The following ANKRD53 variants were observed in gnomAD, a reference collection of about 807,000 sequenced individuals.
ANKRD53 encodes ankyrin repeat domain-containing protein 53.
In ANKRD53, 27 loss-of-function variants were observed where a neutral mutation model predicts 30.1. That is an observed-to-expected ratio of 0.90 (90% confidence interval 0.66 to 1.24). The LOEUF is 1.24. ANKRD53 is among the 50% of genes most tolerant of loss of function. The probability of loss-of-function intolerance (pLI) is 0.00; values close to 1 mark genes in which losing one functional copy is unlikely to be tolerated. For missense variants in ANKRD53, 682 were observed against 721.0 expected (o/e 0.95, Z 0.62); for synonymous variants, 286 against 295.4 (o/e 0.97, Z 0.33).
intron 3 of ANKRD53, 68 bp downstream of exon 3, chr2:70,979,928 G>C (rs1369383432): frequency 6.2e-5 from 98 of 1,580,194 alleles, no homozygotes; most frequent in Non-Finnish European, 8.0e-5. Context: ...CTTCCAGGCA[G>C]GCAAATCCAT....
In ANKRD53 at chr2:70,982,126, C is replaced by T. The variant is rs781964929; in HGVS notation, c.782+26C>T. ...GTGAGAGTGTGAGAACCACCTGGAG[C>T]CTGCCCACCCCCTTCCCCTCCCCCA... On this transcript the variant is annotated intron_variant, in intron 4 of 5. Transcript: ENST00000360589. This position sits in a 1 kb window ranked among gnomAD's most constrained non-coding sequence, Gnocchi z 4.2. 1.9e-6 allele frequency: 3 copies of T among 1,572,280 alleles called. No individual in the cohort carries two copies. Among genetic ancestry groups the T allele is most frequent in the East Asian group, 4.5e-5 (2 of 44,084 alleles).
rs1669899879 is a variant in ANKRD53, at chr2:70,978,703, A to T, written c.58A>T (p.Arg20Trp). 1 of 1,546,640 alleles carries T rather than the reference A, an allele frequency of 6.5e-7. No individual in the cohort carries two copies. The highest frequency in any genetic ancestry group is 2.5e-5 in the East Asian group (1 of 40,742). Residue 20 changes from arginine to tryptophan, a missense_variant, in exon 1 of 6, where the codon AGG (arginine) becomes TGG (tryptophan). Transcript: ENST00000360589. The surrounding 1 kb of genome is among the most constrained non-coding windows in gnomAD (Gnocchi z 4.3). Reference protein sequence around the residue: ...RAGSGSWHSERGEGRGARPQP... With the variant: ...RAGSGSWHSEWGEGRGARPQP... ...GGGCTCCGGAAGCTGGCACTCAGAA[A>T]GGGGAGAAGGGAGAGGTGCTCGGCC... is the stretch of plus-strand genomic sequence containing the variant.
rs1553423180 is a variant in ANKRD53, at chr2:70,979,695, G to T, written c.452G>T (p.Gly151Val). ...FTAIHFAAQW[G>V]KLACLQVLVE... is the part of the protein sequence containing the mutation. ...GCCATCCACTTCGCCGCCCAATGGG[G>T]CAAGCTTGCATGCCTGCAGGTCCTG... Residue 151 changes from glycine to valine, a missense_variant, in exon 3 of 6, where the codon GGC becomes GTC. Transcript: ENST00000360589. 6.2e-7 allele frequency: 1 copy of T among 1,614,072 alleles called. No individual in the cohort carries two copies. Among genetic ancestry groups the T allele is most frequent in the Admixed American group, 1.7e-5 (1 of 60,022 alleles).
At chr2:70,984,226 G>C in intron 5 of ANKRD53, 2 of 1,614,144 alleles carry the variant, frequency 1.2e-6, no homozygotes, top group Non-Finnish European at 1.7e-6. Flanking sequence ...GGATTCCTTT[G>C]GAGAAGAAGG....
rs1468810952 is a variant in ANKRD53 at position 70,982,863 on chromosome 2, T to C, written c.903+166T>C. On this transcript the variant is annotated intron_variant, in intron 5 of 5. Transcript: ENST00000360589. The surrounding 1 kb of genome is among the most constrained non-coding windows in gnomAD (Gnocchi z 4.2). The stretch of plus-strand genomic sequence containing the variant: ...GGGTACTCTGACTGAAATTCCGCTC[T>C]TTTAAATAAGCCAGTCTTTTGGTCA... Among the ~76,000 whole-genome samples, 1 of 152,212 alleles carries C rather than the reference T, an allele frequency of 6.6e-6. No homozygotes were observed. Among genetic ancestry groups the C allele is most frequent in the African/African-American group, 2.4e-5 (1 of 41,458 alleles).
chr2:70,984,889 ACCC>A lies in ANKRD53; in HGVS notation c.1186_1188del (p.Pro396del), dbSNP rs781977756. The A allele has an allele frequency of 6.5e-7, 1 of 1,550,088 alleles. No homozygotes were observed. The highest frequency in any genetic ancestry group is 2.4e-5 in the East Asian group (1 of 40,844). ...GGAATGTTAGCAACAACCCCGCCAG[ACCC>A]CCCACCACCCAGATCAGCCACTCGC... is the stretch of plus-strand genomic sequence containing the variant. On this transcript the variant is annotated inframe_deletion, in exon 6 of 6. Coordinates refer to ENST00000360589, the MANE Select transcript of ANKRD53 (RefSeq NM_001115116.2).
At chr2:70,980,194 A>G (rs1553423333) in intron 3 of ANKRD53, among the ~76,000 whole-genome samples, 1 of 152,158 alleles carries the variant, frequency 6.6e-6, no homozygotes, top group Non-Finnish European at 1.5e-5. Context: ...GCATGCCTGT[A>G]ATCCCAGCTA....
In ANKRD53 at chr2:70,978,712, G is replaced by A; in HGVS notation, c.67G>A (p.Gly23Arg). The A allele has an allele frequency of 3.2e-6, 5 of 1,549,972 alleles. No individual in the cohort carries two copies. The highest frequency in any genetic ancestry group is 4.4e-6 in the Non-Finnish European group (5 of 1,147,022). ...SGSWHSERGE[G>R]RGARPQPTPS... ...AAGCTGGCACTCAGAAAGGGGAGAA[G>A]GGAGAGGTGCTCGGCCGCAGCCAAC... The change falls in exon 1 of 6, where the codon GGG becomes AGG. Residue 23 changes from glycine to arginine, a missense_variant. By Grantham distance (125) the Gly-to-Arg change is moderately radical (BLOSUM62 -2). Transcript: ENST00000360589. The surrounding 1 kb of genome is among the most constrained non-coding windows in gnomAD (Gnocchi z 4.3).
chr2:70,984,798 T>C lies in ANKRD53; in HGVS notation c.1091T>C (p.Ile364Thr), dbSNP rs543775832. 31 of 1,556,072 alleles carry C rather than the reference T, an allele frequency of 2.0e-5. No individual in the cohort carries two copies. The South Asian group carries it at 2.9e-4, about 15-fold the overall frequency. Residue 364 changes from isoleucine to threonine, a missense_variant, in exon 6 of 6, where the codon ATT becomes ACT. Physicochemically the swap from Ile to Thr is moderately conservative, Grantham distance 89 (BLOSUM62 -1). Transcript: ENST00000360589. Reference protein sequence around the residue: ...HPSVDARLQCIPQPTEMPKPI... With the variant: ...HPSVDARLQCTPQPTEMPKPI... Reference sequence around the variant, plus strand: ...TCTGTGGATGCACGCCTGCAATGCATTCCACAGCCCACGGAGATGCCCAAG... The same window carrying C: ...TCTGTGGATGCACGCCTGCAATGCACTCCACAGCCCACGGAGATGCCCAAG...
At position 70,979,986 on chromosome 2, in the gene ANKRD53, C is replaced by A. The variant is rs113707068; in HGVS notation, c.617+126C>A. On this transcript the variant is annotated intron_variant, in intron 3 of 5. Transcript: ENST00000360589. Reference sequence around the variant, plus strand: ...TGGAGGTGACAAGGATTGGGTCCCACATAAAGCAGTCAGGAATCCACATGG... The same window carrying A: ...TGGAGGTGACAAGGATTGGGTCCCAAATAAAGCAGTCAGGAATCCACATGG... 8,197 of 1,114,900 alleles carry A rather than the reference C, an allele frequency of 7.4e-3. 189 individuals carry two copies. Among genetic ancestry groups the A allele is most frequent in the African/African-American group, 0.054 (3,494 of 64,388 alleles). 69.1% of individuals were successfully genotyped at this position (1,114,900 alleles called of 1,614,324 possible).
At position 70,982,419 on chromosome 2, in the gene ANKRD53, C is replaced by A. The variant is rs564407782; in HGVS notation, c.783-158C>A. 212 of 1,043,614 alleles carry A rather than the reference C, an allele frequency of 2.0e-4. No homozygotes were observed. In the African/African-American group the frequency reaches 3.2e-3, roughly 16 times the overall value. 64.6% of individuals were successfully genotyped at this position (1,043,614 alleles called of 1,614,324 possible). A position where few individuals can be genotyped will look rare whatever the true frequency, so the allele number is the denominator to read the frequency against. ...TCTTTCACCTAAAGGAAGTAGGGAG[C>A]CAGAGGGCCCCGGGCAATGGGGATG... On this transcript the variant is annotated intron_variant, in intron 4 of 5. Transcript: ENST00000360589. The surrounding 1 kb of genome is among the most constrained non-coding windows in gnomAD (Gnocchi z 4.2).
intron 3 of ANKRD53, among the ~76,000 whole-genome samples, chr2:70,980,617 G>C (rs1039363184): frequency 1.3e-5 from 2 of 152,046 alleles, no homozygotes; most frequent in East Asian, 1.9e-4. Flanking sequence ...ACTCCAGCCT[G>C]GCAATAGAGC....
rs1178473764 is a variant in ANKRD53 at position 70,982,488 on chromosome 2, T to C, written c.783-89T>C. ...CCTCTGGCCACTCCCCTCATCCCCA[T>C]CCAAGCCCTCAGCAGCAGCCAGTCT... On this transcript the variant is annotated intron_variant, in intron 4 of 5. Coordinates refer to ENST00000360589, the MANE Select transcript of ANKRD53 (RefSeq NM_001115116.2). This position sits in a 1 kb window ranked among gnomAD's most constrained non-coding sequence, Gnocchi z 4.2. 3.8e-6 allele frequency: 6 copies of C among 1,564,790 alleles called. 1 individual carries two copies. Among genetic ancestry groups the C allele is most frequent in the Non-Finnish European group, 8.7e-7 (1 of 1,149,228 alleles).
At chr2:70,980,991 G>A (rs1212421696) in intron 3 of ANKRD53, among the ~76,000 whole-genome samples, 3 of 152,178 alleles carry the variant, frequency 2.0e-5, no homozygotes, top group African/African-American at 7.2e-5. Context: ...CCAATCCAAA[G>A]GCTGTGATTT....
rs1553423167 is a variant in ANKRD53 at position 70,979,658 on chromosome 2, C to T, written c.418-3C>T. The T allele has an allele frequency of 6.2e-7, 1 of 1,612,544 alleles. No homozygotes were observed. The highest frequency in any genetic ancestry group is 8.5e-7 in the Non-Finnish European group (1 of 1,179,348). ...CTCCTCCTGCCTGCTCTGAACCTCA[C>T]AGGGCTTCACTGCCATCCACTTCGC... On this transcript the variant is annotated splice_region_variant and splice_polypyrimidine_tract_variant and intron_variant, in intron 2 of 5. Transcript: ENST00000360589.
intron 3 of ANKRD53, among the ~76,000 whole-genome samples, chr2:70,980,096 A>C (rs1669961446): frequency 6.6e-6 from 1 of 152,152 alleles, no homozygotes; most frequent in African/African-American, 2.4e-5. Flanking sequence ...CAGGCGGATC[A>C]CCTGAGGTCA....
At chr2:70,984,412 G>A (rs1572937482) in intron 5 of ANKRD53, 199 bp from the exon 6 acceptor site, 1 of 985,242 alleles carries the variant, frequency 1.0e-6, no homozygotes, top group Admixed American at 6.1e-5. Context: ...TATGGAAAAA[G>A]TTGTCTCCCC....
At position 70,985,335 on chromosome 2, in the gene ANKRD53, C is replaced by T. The variant is rs575931933; in HGVS notation, c.*35C>T. 8.4e-3 allele frequency: 12,761 copies of T among 1,523,480 alleles called. 73 individuals are homozygous for T. The highest frequency in any genetic ancestry group is 0.01 in the Non-Finnish European group (11,446 of 1,128,628). 94.4% of individuals were successfully genotyped at this position (1,523,480 alleles called of 1,614,324 possible). ...GGCTACCTCTCCCCCTGAGGCAGCC[C>T]AGTGAAGGCTGAAGTGTGGCAATTC... On this transcript the variant is annotated 3_prime_UTR_variant, in exon 6 of 6. Coordinates refer to ENST00000360589, the MANE Select transcript of ANKRD53 (RefSeq NM_001115116.2).
At chr2:70,980,684 G>A (rs192678281) in intron 3 of ANKRD53, among the ~76,000 whole-genome samples, 59 of 152,164 alleles carry the variant, frequency 3.9e-4, no homozygotes, top group African/African-American at 1.3e-3. Context: ...AGTGGCTCAC[G>A]CCTGTAATCC....
Sources: gnomAD v4.1 joint callset for allele counts (sites outside exome capture counted in the v4.1 genomes callset) on GRCh38, gnomAD v4.1.1 for gene constraint, Gnocchi (gnomAD v3.1) non-coding constraint, MANE v1.5 for transcripts, NCBI Gene and HGNC (gene_info 2026-07-23, HGNC 2026-07-21) for gene names.